The following EEFSEC variants were observed in gnomAD, a reference collection of about 807,000 sequenced individuals.
EEFSEC encodes the protein eukaryotic elongation factor, selenocysteine-tRNA specific.
EEFSEC carries 43 observed loss-of-function variants against 42.1 expected under a neutral mutation model. The observed-to-expected ratio is 1.02, with a 90% CI of 0.80 to 1.32. EEFSEC has a LOEUF of 1.32. Among genes scored for constraint, EEFSEC ranks in the 40% most tolerant of loss-of-function variants. EEFSEC has a pLI of 0.00. For missense variants in EEFSEC, 745 were observed against 803.6 expected (o/e 0.93, Z 0.88); for synonymous variants, 354 against 339.1 (o/e 1.04, Z -0.48).
intron 6 of EEFSEC, among the ~76,000 whole-genome samples, chr3:128,360,240 T>A (rs368238861): frequency 2.6e-5 from 4 of 152,228 alleles, no homozygotes; most frequent in Admixed American, 2.6e-4. Context: ...CTGTGGGTTG[T>A]CCTCAGAGAC....
intron 1 of EEFSEC, among the ~76,000 whole-genome samples, chr3:128,173,372 A>G (rs1255668686): frequency 6.6e-6 from 1 of 152,218 alleles, no homozygotes; most frequent in East Asian, 1.9e-4. Context: ...GTTTTGTGGT[A>G]GTAATTTCCA....
chr3:128,397,564 G>A (rs2067996028), intron 6 of EEFSEC, among the ~76,000 whole-genome samples: 1 of 152,246 alleles, frequency 6.6e-6, no homozygotes, highest in Non-Finnish European at 1.5e-5. Context: ...AATCTGCAGA[G>A]CCTAGCTTGC....
intron 2 of EEFSEC, among the ~76,000 whole-genome samples, chr3:128,255,321 A>G (rs1389913829): frequency 6.6e-6 from 1 of 152,052 alleles, no homozygotes. Flanking sequence ...GTCAGGGAGG[A>G]GGGAAGGATG....
In EEFSEC at chr3:128,266,197, T is replaced by C. The variant is rs541486587; in HGVS notation, c.786+1416T>C. 5.3e-5 allele frequency among the ~76,000 whole-genome samples: 8 copies of C among 152,286 alleles called. No homozygotes were observed. The East Asian group carries it at 1.4e-3, about 26-fold the overall frequency. Reference sequence around the variant, plus strand: ...TCCACCAATTTAAATGTTAATCTCATCTGAAAACACCTTCACAGAAACACT... The same window carrying C: ...TCCACCAATTTAAATGTTAATCTCACCTGAAAACACCTTCACAGAAACACT... On this transcript the variant is annotated intron_variant, in intron 4 of 6. Transcript: ENST00000254730.
chr3:128,260,270 T>C (rs900250694), intron 2 of EEFSEC, among the ~76,000 whole-genome samples: 5 of 152,230 alleles, frequency 3.3e-5, no homozygotes, highest in African/African-American at 2.4e-5. Context: ...TCTTTCTTGA[T>C]GGCTTCAAGA....
At chr3:128,423,487 A>G in the EEFSEC span, among the ~76,000 whole-genome samples, 1 of 151,958 alleles carries the variant, frequency 6.6e-6, no homozygotes, top group South Asian at 2.1e-4. Flanking sequence ...TCAATAAATA[A>G]ATAAATAAAT....
intron 2 of EEFSEC, among the ~76,000 whole-genome samples, chr3:128,249,138 G>A (rs901321498): frequency 6.6e-6 from 1 of 152,236 alleles, no homozygotes; most frequent in East Asian, 1.9e-4. Flanking sequence ...CAGTCCAGAT[G>A]CAAAGAAACT....
intron 4 of EEFSEC, among the ~76,000 whole-genome samples, chr3:128,322,624 A>T (rs1045620816): frequency 6.6e-5 from 10 of 152,246 alleles, no homozygotes; most frequent in African/African-American, 2.4e-4. Flanking sequence ...TTGCCAGAAC[A>T]TGTGAGATTG....
intron 1 of EEFSEC, among the ~76,000 whole-genome samples, chr3:128,219,324 C>G (rs993055440): frequency 2.6e-5 from 4 of 152,206 alleles, no homozygotes; most frequent in Admixed American, 1.3e-4. Context: ...ATCACTCCCC[C>G]ACTTGAAAAA....
chr3:128,390,462 G>C (rs1267546541), intron 6 of EEFSEC, among the ~76,000 whole-genome samples: 1 of 152,214 alleles, frequency 6.6e-6, no homozygotes, highest in African/African-American at 2.4e-5. Context: ...ACCACAGAAG[G>C]GGGTGAGACA....
At chr3:128,276,359 C>T (rs538975324) in intron 4 of EEFSEC, among the ~76,000 whole-genome samples, 31 of 152,312 alleles carry the variant, frequency 2.0e-4, no homozygotes, top group African/African-American at 6.5e-4. Flanking sequence ...TCCAAAGGGA[C>T]TCCCTTTATT....
At chr3:128,187,064 C>A (rs1227802843) in intron 1 of EEFSEC, among the ~76,000 whole-genome samples, 1 of 152,198 alleles carries the variant, frequency 6.6e-6, no homozygotes, top group Non-Finnish European at 1.5e-5. Context: ...AAACTTTGAA[C>A]ATTTCAAACC....
At chr3:128,172,365 C>T (rs2065307606) in intron 1 of EEFSEC, among the ~76,000 whole-genome samples, 1 of 152,240 alleles carries the variant, frequency 6.6e-6, no homozygotes, top group Admixed American at 6.5e-5. Flanking sequence ...CTGAGCCTGT[C>T]TGTGCACCTC....
chr3:128,384,400 T>A (rs2067813142), intron 6 of EEFSEC, among the ~76,000 whole-genome samples: 1 of 152,042 alleles, frequency 6.6e-6, no homozygotes, highest in Non-Finnish European at 1.5e-5. Flanking sequence ...ATTTGTGGGG[T>A]CCAGCTGCCA....
chr3:128,285,351 C>T (rs760852214), intron 4 of EEFSEC, among the ~76,000 whole-genome samples: 2 of 152,078 alleles, frequency 1.3e-5, no homozygotes, highest in African/African-American at 2.4e-5. Context: ...GAGCCAGAGT[C>T]GAGAGTGTCC....
At chr3:128,158,553 C>A (rs1487661605) in intron 1 of EEFSEC, among the ~76,000 whole-genome samples, 1 of 152,204 alleles carries the variant, frequency 6.6e-6, no homozygotes, top group Non-Finnish European at 1.5e-5. Flanking sequence ...TGAGGCAAGA[C>A]CCTCCACCAG....
the EEFSEC span, among the ~76,000 whole-genome samples, chr3:128,422,268 G>C: frequency 6.6e-6 from 1 of 152,222 alleles, no homozygotes; most frequent in African/African-American, 2.4e-5. Flanking sequence ...CGCAGGCCTT[G>C]GGTAGCCTGG....
chr3:128,213,867 C>G (rs1204807565), intron 1 of EEFSEC, among the ~76,000 whole-genome samples: 2 of 152,106 alleles, frequency 1.3e-5, no homozygotes, highest in East Asian at 3.9e-4. Context: ...ATAAACCAGG[C>G]AAGACTCTCC....
At chr3:128,281,474 G>GTAACTTTGACTTT (rs1453448489) in intron 4 of EEFSEC, among the ~76,000 whole-genome samples, 6 of 152,226 alleles carry the variant, frequency 3.9e-5, no homozygotes, top group Non-Finnish European at 5.9e-5. Flanking sequence ...TGTATGCAGA[G>GTAACTTTGACTTT]GTAGCATGGG....
Sources: allele counts gnomAD v4.1 joint callset (sites outside exome capture counted in the v4.1 genomes callset), GRCh38; gene constraint gnomAD v4.1.1; transcripts MANE v1.5; gene names NCBI Gene and HGNC (gene_info 2026-07-23, HGNC 2026-07-21).